GTF2H3: variants seen among roughly 807,000 people sequenced by gnomAD.
GTF2H3 encodes the protein general transcription factor IIH subunit 3, also known as TFIIH basal transcription factor complex p34 subunit.
Under a neutral mutation model 51.1 loss-of-function variants are expected in GTF2H3, and 42 were observed. The ratio of observed to expected loss-of-function variants is 0.82; its 90% CI spans 0.64 to 1.06. The LOEUF (loss-of-function observed/expected upper bound fraction) is 1.06. Among genes scored for constraint, GTF2H3 ranks in the 50% least tolerant of loss-of-function variants. The probability of loss-of-function intolerance (pLI) is 0.00; values close to 1 mark genes in which losing one functional copy is unlikely to be tolerated. For synonymous variants in GTF2H3, 123 were observed against 123.8 expected, an observed-to-expected ratio of 0.99 and a Z score of 0.04; for missense variants, 326 against 366.1, an observed-to-expected ratio of 0.89 and a Z score of 0.89.
chr12:123,635,289 G>A (rs1353765623), intron 1 of GTF2H3, among the ~76,000 whole-genome samples: 1 of 152,184 alleles, frequency 6.6e-6, no homozygotes, highest in Non-Finnish European at 1.5e-5. Context: ...GAAAAAAAGT[G>A]GCTGGGCACA....
chr12:123,633,897 T>C, intron 1 of GTF2H3, 25 bp downstream of exon 1: 1 of 1,612,738 alleles, frequency 6.2e-7, no homozygotes, highest in South Asian at 1.1e-5. Flanking sequence ...GGGCGGGACT[T>C]CGACTCCGGG....
intron 8 of GTF2H3, 71 bp from the exon 9 acceptor site, chr12:123,655,700 T>C: frequency 1.1e-6 from 1 of 870,778 alleles, no homozygotes; most frequent in Non-Finnish European, 2.0e-6. Context: ...GTATGGCATG[T>C]AGTAGGTTCT....
At chr12:123,653,267 G>A (rs142331826) in intron 7 of GTF2H3, among the ~76,000 whole-genome samples, 2 of 152,078 alleles carry the variant, frequency 1.3e-5, no homozygotes, top group African/African-American at 2.4e-5. Context: ...TTTGTTCTTG[G>A]ATGTCAGTTT....
At chr12:123,655,633 C>A (rs1012937161) in intron 8 of GTF2H3, 138 bp from the exon 9 acceptor site, 3 of 589,106 alleles carry the variant, frequency 5.1e-6, no homozygotes, top group Non-Finnish European at 6.1e-6. Context: ...CTGCCAAATG[C>A]AAATATCTGC....
At chr12:123,635,240 G>A (rs1483523683) in intron 1 of GTF2H3, among the ~76,000 whole-genome samples, 1 of 152,130 alleles carries the variant, frequency 6.6e-6, no homozygotes, top group Non-Finnish European at 1.5e-5. Context: ...TTTGTTGTGT[G>A]ATTTACACAT....
At chr12:123,655,117 C>A in intron 8 of GTF2H3, 119 bp downstream of exon 8, 2 of 756,288 alleles carry the variant, frequency 2.6e-6, no homozygotes, top group Admixed American at 2.2e-5. Flanking sequence ...GGCAAGGAAT[C>A]CAGAATCTGT....
At chr12:123,640,397 C>T (rs1216111532) in intron 2 of GTF2H3, among the ~76,000 whole-genome samples, 7 of 142,310 alleles carry the variant, frequency 4.9e-5, no homozygotes, top group Non-Finnish European at 7.5e-5. Context: ...AGTGCAATGG[C>T]GCGATCTCGG....
At chr12:123,650,678 G>A (rs200234181) in intron 4 of GTF2H3, among the ~76,000 whole-genome samples, 9 of 152,116 alleles carry the variant, frequency 5.9e-5, no homozygotes, top group Admixed American at 3.9e-4. Context: ...GCCATCCATC[G>A]CCAGAACTTT....
At chr12:123,652,967 ACT>A (rs1163642821) in intron 7 of GTF2H3, among the ~76,000 whole-genome samples, 1 of 152,058 alleles carries the variant, frequency 6.6e-6, no homozygotes, top group Non-Finnish European at 1.5e-5. Context: ...AGTCCCAGCT[ACT>A]TGGGATCCCG....
chr12:123,655,691 T>C lies in GTF2H3; in HGVS notation c.562-80T>C. The C allele has an allele frequency of 3.6e-6, 3 of 826,798 alleles. No homozygotes were observed. In the East Asian group the frequency reaches 7.4e-5, roughly 20 times the overall value. The allele number at this position is 826,798 out of a possible 1,614,324, so 51.2% of individuals were successfully genotyped here. The stretch of plus-strand genomic sequence containing the variant: ...TGAGTGAGCTATTTTAAGCATAGAG[T>C]ATGGCATGTAGTAGGTTCTCAGTAT... On this transcript the variant is annotated intron_variant, in intron 8 of 12. Coordinates refer to ENST00000543341, the MANE Select transcript of GTF2H3 (RefSeq NM_001516.5).
chr12:123,659,797 G>A lies in GTF2H3; in HGVS notation c.687G>A (p.Trp229Ter). 1 of 1,610,618 alleles carries A rather than the reference G, an allele frequency of 6.2e-7. No homozygotes were observed. The highest frequency in any genetic ancestry group is 8.5e-7 in the Non-Finnish European group (1 of 1,178,902). ...TCTTTTGTTTGTTTGTTTTACAGTG[G>A]GTGTTTCTTCCCGATCAAGATCAGA... ...QMPSLLQYLLWVFLPDQDQRS... is the reference protein window; with the variant it reads ...QMPSLLQYLL Residue 229 changes from tryptophan (W) to a stop codon, truncating the protein, a stop_gained and splice_region_variant, in exon 11 of 13, where the codon TGG (tryptophan) becomes TGA (stop). Coordinates refer to ENST00000543341, the MANE Select transcript of GTF2H3 (RefSeq NM_001516.5). LOFTEE classifies it high-confidence loss of function.
Position 123,654,917 on chromosome 12 carries a change from T to C in GTF2H3, c.487-7T>C, listed in dbSNP as rs756840797. The C allele has an allele frequency of 3.6e-5, 58 of 1,606,170 alleles. No individual in the cohort carries two copies. The highest frequency in any genetic ancestry group is 4.8e-5 in the Non-Finnish European group (56 of 1,172,930). ...CTGGGTGGAATTAACATGACTGTGA[T>C]TTTTAGGTGATTAAGGCTGCAGAAG... On this transcript the variant is annotated splice_region_variant and splice_polypyrimidine_tract_variant and intron_variant, in intron 7 of 12. Transcript: ENST00000543341.
At chr12:123,639,560 G>A (rs1381256386) in intron 2 of GTF2H3, among the ~76,000 whole-genome samples, 1 of 152,050 alleles carries the variant, frequency 6.6e-6, no homozygotes, top group East Asian at 1.9e-4. Context: ...GTTCCCTCAT[G>A]CCTGCTTGCA....
intron 9 of GTF2H3, among the ~76,000 whole-genome samples, chr12:123,657,162 G>A (rs1165661760): frequency 2.0e-5 from 3 of 151,518 alleles, no homozygotes; most frequent in Non-Finnish European, 4.4e-5. Context: ...AAAAGTAATT[G>A]TGGTTTTTGC....
At chr12:123,658,939 A>G (rs1192503497) in intron 9 of GTF2H3, among the ~76,000 whole-genome samples, 1 of 152,220 alleles carries the variant, frequency 6.6e-6, no homozygotes, top group African/African-American at 2.4e-5. Flanking sequence ...AATGGCCAAG[A>G]AGCACATGAA....
intron 2 of GTF2H3, among the ~76,000 whole-genome samples, chr12:123,641,527 GT>G (rs112546170): frequency 3.0e-4 from 39 of 128,504 alleles, no homozygotes; most frequent in African/African-American, 1.1e-3. Flanking sequence ...GTCTGCCCCC[GT>G]TTTTTTTTTT....
At chr12:123,653,063 C>G (rs1955538942) in intron 7 of GTF2H3, among the ~76,000 whole-genome samples, 1 of 151,708 alleles carries the variant, frequency 6.6e-6, no homozygotes, top group African/African-American at 2.4e-5. Flanking sequence ...CCACTGCACT[C>G]TAGCCTGGGT....
intron 4 of GTF2H3, 41 bp from the exon 5 acceptor site, chr12:123,650,953 G>A (rs757613530): frequency 2.2e-5 from 30 of 1,366,606 alleles, no homozygotes; most frequent in Non-Finnish European, 2.9e-5. Context: ...GTTCAAGAAA[G>A]TACTTAAAAA....
rs184193587 is a variant in GTF2H3 at position 123,662,429 on chromosome 12, T to C, written c.*2194T>C. ...TTAAGTGTAATGGAAATCACAATTT[T>C]AAGTCTAGGAAATAAAGTATTATAT... On this transcript the variant is annotated 3_prime_UTR_variant, in exon 13 of 13. Coordinates refer to ENST00000543341, the MANE Select transcript of GTF2H3 (RefSeq NM_001516.5). 301 of 152,294 alleles carry C rather than the reference T, an allele frequency of 2.0e-3. 1 individual carries two copies. The highest frequency in any genetic ancestry group is 6.9e-3 in the African/African-American group (288 of 41,582). 9.4% of individuals were successfully genotyped at this position (152,294 alleles called of 1,614,324 possible).
Sources: allele counts gnomAD v4.1 joint callset (sites outside exome capture counted in the v4.1 genomes callset), GRCh38; gene constraint gnomAD v4.1.1; transcripts MANE v1.5; gene names NCBI Gene and HGNC (gene_info 2026-07-23, HGNC 2026-07-21).